KDM4A: variants seen among roughly 807,000 people sequenced by gnomAD.
KDM4A encodes the protein lysine demethylase 4A, also known as lysine-specific demethylase 4A.
Under a neutral mutation model 127.1 loss-of-function variants are expected in KDM4A, and 23 were observed. The ratio of observed to expected loss-of-function variants is 0.18; its 90% CI spans 0.13 to 0.26. KDM4A has a LOEUF of 0.26. KDM4A is among the 10% of genes least tolerant of loss of function. The pLI, the probability that KDM4A is intolerant of heterozygous loss-of-function variation, is 1.00. For synonymous variants in KDM4A, 443 were observed against 466.5 expected, an observed-to-expected ratio of 0.95 and a Z score of 0.65; for missense variants, 890 against 1,329.1, an observed-to-expected ratio of 0.67 and a Z score of 5.14.
At chr1:43,687,794 G>A (rs1661021167) in intron 12 of KDM4A, among the ~76,000 whole-genome samples, 1 of 152,164 alleles carries the variant, frequency 6.6e-6, no homozygotes, top group South Asian at 2.1e-4. Context: ...AGTTTTGTGA[G>A]CAAACTTTTT....
At chr1:43,681,795 T>C (rs1557914029) in intron 11 of KDM4A, among the ~76,000 whole-genome samples, 1 of 152,210 alleles carries the variant, frequency 6.6e-6, no homozygotes, top group Non-Finnish European at 1.5e-5. Context: ...TAACCTTTTA[T>C]AGTCTGTTTT....
intron 2 of KDM4A, among the ~76,000 whole-genome samples, chr1:43,654,715 GTGTGTGTGTGTGTGTGTGTGTGTGT>G (rs1660197532): frequency 1.0e-5 from 1 of 99,756 alleles, no homozygotes; most frequent in African/African-American, 4.5e-5. Flanking sequence ...GTGTGTGTGT[GTGTGTGTGTGTGTGTGTGTGTGTGT>G]TGTTTTCTCC....
In KDM4A at chr1:43,684,359, C is replaced by T. The variant is rs192796556; in HGVS notation, c.1855+555C>T. Among the ~76,000 whole-genome samples, 168 of 152,200 alleles carry T rather than the reference C, an allele frequency of 1.1e-3. 2 individuals carry two copies. The East Asian group carries it at 0.025, about 23-fold the overall frequency. The stretch of plus-strand genomic sequence containing the variant: ...TCTACTAAAACTACAAAAAAGTAGC[C>T]GGGTGTCATGGCACGCGCCTGTAGT... On this transcript the variant is annotated intron_variant, in intron 12 of 21. Transcript: ENST00000372396.
At chr1:43,661,863 C>A (rs552956231) in intron 4 of KDM4A, among the ~76,000 whole-genome samples, 1 of 152,160 alleles carries the variant, frequency 6.6e-6, no homozygotes, top group East Asian at 1.9e-4. Context: ...TGGTGGAAAT[C>A]AGGGCTAAAA....
At chr1:43,655,814 G>A (rs371263843) in intron 3 of KDM4A, 48 bp downstream of exon 3, 191 of 1,499,872 alleles carry the variant, frequency 1.3e-4, no homozygotes, top group Non-Finnish European at 3.4e-5. Context: ...GGACCCTGGT[G>A]TCTCATCCTC....
chr1:43,656,071 G>A (rs1220764862), intron 3 of KDM4A, among the ~76,000 whole-genome samples: 1 of 152,152 alleles, frequency 6.6e-6, no homozygotes, highest in African/African-American at 2.4e-5. Context: ...AGCTTTTGCT[G>A]GGTATTATCA....
chr1:43,696,808 G>T (rs1241849286), intron 18 of KDM4A, among the ~76,000 whole-genome samples: 1 of 152,230 alleles, frequency 6.6e-6, no homozygotes. Context: ...TGGGGGGACT[G>T]ATGAGTTAGT....
rs1660537690 is a variant in KDM4A, at chr1:43,668,033, C to T, written c.1163+14C>T. The stretch of plus-strand genomic sequence containing the variant: ...CCTGAAGACAAGGTAACCCAGCAGC[C>T]CTTTTGTCCTGGCTGCGTGAGGGAG... On this transcript the variant is annotated intron_variant, in intron 9 of 21. Coordinates refer to ENST00000372396, the MANE Select transcript of KDM4A (RefSeq NM_014663.3). The T allele has an allele frequency of 6.2e-7, 1 of 1,612,892 alleles. No homozygotes were observed.
Position 43,694,872 on chromosome 1 carries a change from G to A in KDM4A, c.2648G>A (p.Arg883Gln). 1 of 1,596,950 alleles carries A rather than the reference G, an allele frequency of 6.3e-7. No individual in the cohort carries two copies. Among genetic ancestry groups the A allele is most frequent in the Non-Finnish European group, 8.6e-7 (1 of 1,165,518 alleles). Residue 883 changes from arginine (R) to glutamine (Q), a missense_variant, in exon 18 of 22, where the codon CGG becomes CAG. Coordinates refer to ENST00000372396, the MANE Select transcript of KDM4A (RefSeq NM_014663.3). This position sits in a 1 kb window ranked among gnomAD's most constrained non-coding sequence, Gnocchi z 5.2. Reference protein sequence around the residue: ...WPFVVFITCFRHKIPNLERAK... With the variant: ...WPFVVFITCFQHKIPNLERAK... The stretch of plus-strand genomic sequence containing the variant: ...TTTGTGGTCTTCATTACCTGCTTTC[G>A]GCACAAGATTCCTAATTTGGAGGTG...
At chr1:43,673,153 T>G (rs1370143801) in intron 11 of KDM4A, among the ~76,000 whole-genome samples, 1 of 152,066 alleles carries the variant, frequency 6.6e-6, no homozygotes, top group Non-Finnish European at 1.5e-5. Context: ...TCATGTCAGA[T>G]GCCACTGGAC....
intron 1 of KDM4A, among the ~76,000 whole-genome samples, chr1:43,652,129 A>G (rs1277433648): frequency 6.6e-6 from 1 of 152,236 alleles, no homozygotes; most frequent in Admixed American, 6.5e-5. Flanking sequence ...TGCCCTAGGG[A>G]GGAGCCTTGG....
intron 13 of KDM4A, among the ~76,000 whole-genome samples, chr1:43,689,879 C>G (rs1661069578): frequency 6.6e-6 from 1 of 152,208 alleles, no homozygotes; most frequent in Non-Finnish European, 1.5e-5. Flanking sequence ...GGATTAGGAA[C>G]TCACTAAACC....
intron 11 of KDM4A, among the ~76,000 whole-genome samples, chr1:43,679,972 G>C (rs372647135): frequency 6.6e-6 from 1 of 152,114 alleles, no homozygotes; most frequent in Non-Finnish European, 1.5e-5. Flanking sequence ...TATTACTACC[G>C]TTTTACTGGT....
At chr1:43,654,388 T>C (rs565413555) in intron 2 of KDM4A, among the ~76,000 whole-genome samples, 1 of 152,224 alleles carries the variant, frequency 6.6e-6, no homozygotes, top group East Asian at 1.9e-4. Flanking sequence ...AATAGTGTTA[T>C]TTGTTTTGTT....
chr1:43,685,880 C>A (rs1352266023), intron 12 of KDM4A, among the ~76,000 whole-genome samples: 2 of 152,138 alleles, frequency 1.3e-5, no homozygotes, highest in African/African-American at 4.8e-5. Context: ...TCTCTGTGTT[C>A]TTATTCCAGC....
rs569482488 is a variant in KDM4A at position 43,672,313 on chromosome 1, C to A, written c.1734+438C>A. ...AAGCAGTTCTCCTGCCTCAGCCTCT[C>A]GAGTAGCTGGTATTACAGGTGTGTG... On this transcript the variant is annotated intron_variant, in intron 11 of 21. Coordinates refer to ENST00000372396, the MANE Select transcript of KDM4A (RefSeq NM_014663.3). 1.6e-4 allele frequency among the ~76,000 whole-genome samples: 24 copies of A among 151,892 alleles called. No homozygotes were observed. The South Asian group carries it at 2.7e-3, about 17-fold the overall frequency.
chr1:43,660,537 C>T, intron 4 of KDM4A, 125 bp downstream of exon 4: 3 of 1,363,604 alleles, frequency 2.2e-6, no homozygotes, highest in South Asian at 1.4e-5. Flanking sequence ...GATGATCTAC[C>T]CCCAGCTGAT....
rs1436769685 is a variant in KDM4A, at chr1:43,704,015, G to C, written c.2962-5G>C. The C allele has an allele frequency of 6.2e-7, 1 of 1,613,426 alleles. No homozygotes were observed. The highest frequency in any genetic ancestry group is 1.3e-5 in the African/African-American group (1 of 74,890). ...CTAGCCAAAAGGCCTTTGTTTCCTT[G>C]GTAGGTGGAGTTTGAGGATGGCTCA... is the stretch of plus-strand genomic sequence containing the variant. On this transcript the variant is annotated splice_polypyrimidine_tract_variant and splice_region_variant and intron_variant, in intron 20 of 21. Coordinates refer to ENST00000372396, the MANE Select transcript of KDM4A (RefSeq NM_014663.3).
At chr1:43,698,120 G>T in intron 19 of KDM4A, 107 bp downstream of exon 19, 4 of 1,045,400 alleles carry the variant, frequency 3.8e-6, no homozygotes, top group Non-Finnish European at 5.6e-6. Context: ...CAGGTCCCTG[G>T]TCCCATCACC....
Sources: allele counts gnomAD v4.1 joint callset (sites outside exome capture counted in the v4.1 genomes callset), GRCh38; gene constraint gnomAD v4.1.1; non-coding constraint Gnocchi (gnomAD v3.1); transcripts MANE v1.5; gene names NCBI Gene and HGNC (gene_info 2026-07-23, HGNC 2026-07-21).